ACTN1: variants seen among roughly 807,000 people sequenced by gnomAD.
ACTN1 encodes the protein alpha-actinin-1.
Under a neutral mutation model 119.6 loss-of-function variants are expected in ACTN1, and 30 were observed. That is an observed-to-expected ratio of 0.25 (90% CI 0.19 to 0.34). The LOEUF is 0.34. Among genes scored for constraint, ACTN1 ranks in the 10% least tolerant of loss-of-function variants. The probability of loss-of-function intolerance (pLI) is 1.00; values close to 1 mark genes in which losing one functional copy is unlikely to be tolerated. For synonymous variants in ACTN1, 429 were observed against 472.6 expected, an observed-to-expected ratio of 0.91 and a Z score of 1.20; for missense variants, 764 against 1,223.4, an observed-to-expected ratio of 0.62 and a Z score of 5.60.
At chr14:68,894,309 T>C (rs952021210) in intron 8 of ACTN1, among the ~76,000 whole-genome samples, 6 of 152,188 alleles carry the variant, frequency 3.9e-5, no homozygotes, top group African/African-American at 1.4e-4. Flanking sequence ...ACGGACATTC[T>C]ACTGCACCCA....
rs2032553556 is a variant in ACTN1 at position 68,892,271 on chromosome 14, T to C, written c.868A>G (p.Ile290Val). The C allele has an allele frequency of 6.2e-7, 1 of 1,612,730 alleles. No homozygotes were observed. The highest frequency in any genetic ancestry group is 8.5e-7 in the Non-Finnish European group (1 of 1,179,098). ...TCCAGCCACGGGATTGTGCGGCGGA[T>C]CCACTCCAACAGCTAGGGTGGGAAG... ...EKLASDLLEW[I>V]RRTIPWLENR... is the part of the protein sequence containing the mutation. The change falls in exon 10 of 22, where the codon ATC (isoleucine) becomes GTC (valine). Residue 290 changes from isoleucine (I) to valine (V), a missense_variant. Ile to Val is a conservative substitution (Grantham distance 29). Around this residue, in one of 4 missense-constraint regions of ACTN1, gnomAD observed 544 missense variants for 912.0 expected, o/e 0.60. Transcript: ENST00000394419.
Position 68,884,180 on chromosome 14 carries a change from A to C in ACTN1, c.1623T>G (p.Ile541Met), listed in dbSNP as rs867333047. 1.9e-6 allele frequency: 3 copies of C among 1,613,506 alleles called. No homozygotes were observed. In the Admixed American group the frequency reaches 5.0e-5, roughly 27 times the overall value. The change falls in exon 14 of 22, where the codon ATT becomes ATG. Residue 541 changes from isoleucine to methionine, a missense_variant. Transcript: ENST00000394419. ...DLQDTFIVHT[I>M]EEIQGLTTAH... ...AGGTGGGGCTCACCTGGATCTCCTC[A>C]ATGGTGTGCACAATGAAGGTGTCCT... is the stretch of plus-strand genomic sequence containing the variant.
chr14:68,961,553 A>G (rs2036541286), intron 1 of ACTN1, among the ~76,000 whole-genome samples: 1 of 152,206 alleles, frequency 6.6e-6, no homozygotes, highest in Non-Finnish European at 1.5e-5. Flanking sequence ...CACGGGGCAC[A>G]GGGCGCGGGG....
At chr14:68,928,301 C>T (rs531659942) in intron 1 of ACTN1, among the ~76,000 whole-genome samples, 1 of 152,322 alleles carries the variant, frequency 6.6e-6, no homozygotes, top group East Asian at 1.9e-4. Flanking sequence ...AAACAAAACA[C>T]ACCTATGTTT....
chr14:68,924,743 AAAG>A (rs2034835024), intron 2 of ACTN1, among the ~76,000 whole-genome samples: 1 of 152,252 alleles, frequency 6.6e-6, no homozygotes, highest in African/African-American at 2.4e-5. Context: ...GTAGGGGTTA[AAAG>A]AAGGACTGAG....
intron 1 of ACTN1, among the ~76,000 whole-genome samples, chr14:68,943,967 C>G (rs1291118208): frequency 1.3e-5 from 2 of 152,212 alleles, no homozygotes; most frequent in African/African-American, 2.4e-5. Context: ...GCTCTGCCCA[C>G]CAGCCTGCAC....
chr14:68,878,923 G>T lies in ACTN1; in HGVS notation c.2361+66C>A, dbSNP rs1381375462. 1 of 1,609,856 alleles carries T rather than the reference G, an allele frequency of 6.2e-7. No homozygotes were observed. Among genetic ancestry groups the T allele is most frequent in the African/African-American group, 1.3e-5 (1 of 74,748 alleles). On this transcript the variant is annotated intron_variant, in intron 19 of 21. Coordinates refer to ENST00000394419, the MANE Select transcript of ACTN1 (RefSeq NM_001130004.2). The surrounding 1 kb of genome is among the most constrained non-coding windows in gnomAD (Gnocchi z 4.4). Reference sequence around the variant, plus strand: ...GATCCAGACAGAGAGAAGAGAAAAAGGAAAAACGCATTATTTCTTGCCCCA... The same window carrying T: ...GATCCAGACAGAGAGAAGAGAAAAATGAAAAACGCATTATTTCTTGCCCCA...
chr14:68,883,010 C>T lies in ACTN1; in HGVS notation c.1681G>A (p.Ala561Thr), dbSNP rs1354161554. ...AGGATGGCCAGGCGCTCCTTGTCGG[C>T]ATCAGGGAGGGTGGCCTTGAACTGC... ...HEQFKATLPD[A>T]DKERLAILGI... The change falls in exon 15 of 22, where the codon GCC becomes ACC. Residue 561 changes from alanine (A) to threonine (T), a missense_variant. Ala to Thr is a moderately conservative substitution (Grantham distance 58). Coordinates refer to ENST00000394419, the MANE Select transcript of ACTN1 (RefSeq NM_001130004.2). 1 of 1,614,066 alleles carries T rather than the reference C, an allele frequency of 6.2e-7. No homozygotes were observed. The highest frequency in any genetic ancestry group is 8.5e-7 in the Non-Finnish European group (1 of 1,180,048).
chr14:68,910,256 G>C (rs779034131), intron 4 of ACTN1, among the ~76,000 whole-genome samples: 1 of 152,222 alleles, frequency 6.6e-6, no homozygotes, highest in Non-Finnish European at 1.5e-5. Context: ...AGCTAGTCGT[G>C]TTACACGTGT....
At chr14:68,946,820 T>C (rs1365482051) in intron 1 of ACTN1, among the ~76,000 whole-genome samples, 1 of 152,126 alleles carries the variant, frequency 6.6e-6, no homozygotes, top group East Asian at 1.9e-4. Context: ...ACTCCATCTC[T>C]CTCCATCCCC....
At chr14:68,897,167 T>C (rs1331601125) in intron 8 of ACTN1, among the ~76,000 whole-genome samples, 1 of 152,082 alleles carries the variant, frequency 6.6e-6, no homozygotes, top group East Asian at 1.9e-4. Context: ...GTATTTTCAG[T>C]AGAGATGGGA....
chr14:68,903,082 C>G (rs1202358793), intron 7 of ACTN1, among the ~76,000 whole-genome samples: 1 of 152,094 alleles, frequency 6.6e-6, no homozygotes, highest in Non-Finnish European at 1.5e-5. Context: ...CGGAAGTATG[C>G]AGTGGTAAAA....
chr14:68,978,252 A>G (rs1594894465), intron 1 of ACTN1: 2 of 455,788 alleles, frequency 4.4e-6, no homozygotes, highest in Non-Finnish European at 8.8e-6. Context: ...ACGTAGCGCA[A>G]GCCCATGTCG....
At chr14:68,962,485 G>T (rs1291487970) in intron 1 of ACTN1, among the ~76,000 whole-genome samples, 8 of 152,078 alleles carry the variant, frequency 5.3e-5, no homozygotes, top group African/African-American at 9.7e-5. Context: ...CTAAATCTCA[G>T]AACTCAGAGT....
rs1029667992 is a variant in ACTN1 at position 68,979,301 on chromosome 14, C to G, written c.-245G>C. On this transcript the variant is annotated 5_prime_UTR_variant, in exon 1 of 22. Coordinates refer to ENST00000394419, the MANE Select transcript of ACTN1 (RefSeq NM_001130004.2). ...CGCTTGGACCTAATCTCCACGCACACTGAACTAGGCGGACACACTAGCGCT... is the reference window on the plus strand; with the variant it reads ...CGCTTGGACCTAATCTCCACGCACAGTGAACTAGGCGGACACACTAGCGCT... The G allele has an allele frequency of 8.0e-5, 20 of 249,806 alleles. No individual in the cohort carries two copies. Among genetic ancestry groups the G allele is most frequent in the Admixed American group, 6.4e-4 (11 of 17,074 alleles). 15.5% of individuals were successfully genotyped at this position (249,806 alleles called of 1,614,324 possible).
rs998189271 is a variant in ACTN1, at chr14:68,892,293, G to A, written c.856-10C>T. ...GGATCCACTCCAACAGCTAGGGTGG[G>A]AAGGCGGTGGGGGCAGGAGGTGAGG... On this transcript the variant is annotated splice_polypyrimidine_tract_variant and intron_variant, in intron 9 of 21. Transcript: ENST00000394419. 1 of 1,606,436 alleles carries A rather than the reference G, an allele frequency of 6.2e-7. No homozygotes were observed. Among genetic ancestry groups the A allele is most frequent in the African/African-American group, 1.3e-5 (1 of 74,854 alleles).
intron 1 of ACTN1, among the ~76,000 whole-genome samples, chr14:68,956,061 A>G (rs1172820371): frequency 6.6e-6 from 1 of 152,182 alleles, no homozygotes; most frequent in Non-Finnish European, 1.5e-5. Context: ...GCTACTGAAG[A>G]GTCTGAAGCA....
chr14:68,898,984 C>T (rs1307312561), intron 8 of ACTN1, among the ~76,000 whole-genome samples: 1 of 149,538 alleles, frequency 6.7e-6, no homozygotes, highest in Non-Finnish European at 1.5e-5. Flanking sequence ...ACACGCCACA[C>T]CTCACACCAC....
chr14:68,970,764 C>T (rs1395291062), intron 1 of ACTN1, among the ~76,000 whole-genome samples: 1 of 152,164 alleles, frequency 6.6e-6, no homozygotes, highest in East Asian at 1.9e-4. Flanking sequence ...CAACTTGCAT[C>T]CTTCACTACC....
Sources: allele counts gnomAD v4.1 joint callset (sites outside exome capture counted in the v4.1 genomes callset), GRCh38; gene constraint gnomAD v4.1.1; regional missense constraint gnomAD v4.1.1; non-coding constraint Gnocchi (gnomAD v3.1); transcripts MANE v1.5; gene names NCBI Gene and HGNC (gene_info 2026-07-23, HGNC 2026-07-21).